Variants in HSF2 observed in about 807,000 individuals in gnomAD.
The protein encoded by HSF2 is heat shock transcription factor 2.
Under a neutral mutation model 65.0 loss-of-function variants are expected in HSF2, and 21 were observed. That is an observed-to-expected ratio of 0.32 (90% CI 0.23 to 0.47). HSF2 has a LOEUF of 0.47. Ranked by LOEUF, HSF2 falls within the 20% of genes least tolerant of loss-of-function variation. The pLI is 1.00. For missense variants in HSF2, 499 were observed against 628.1 expected, an observed-to-expected ratio of 0.79 and a Z score of 2.20; for synonymous variants, 225 against 219.1, an observed-to-expected ratio of 1.03 and a Z score of -0.24.
At position 122,432,279 on chromosome 6, in the gene HSF2, T is replaced by C; in HGVS notation, c.*59T>C. On this transcript the variant is annotated 3_prime_UTR_variant, in exon 13 of 13. Transcript: ENST00000368455. ...CATCAAAATGATGAACTATTTATTT[T>C]AAAGTATCATTTGGTACTTTTTTTG... 1 of 1,363,298 alleles carries C rather than the reference T, an allele frequency of 7.3e-7. No homozygotes were observed. Among genetic ancestry groups the C allele is most frequent in the East Asian group, 2.3e-5 (1 of 43,270 alleles). The allele number at this position is 1,363,298 out of a possible 1,614,324, so 84.5% of individuals were successfully genotyped here.
At chr6:122,420,060 TG>T in intron 6 of HSF2, 74 bp from the exon 7 acceptor site, 1 of 1,460,520 alleles carries the variant, frequency 6.8e-7, no homozygotes, top group Non-Finnish European at 9.2e-7. Flanking sequence ...TGTGTGTGTT[TG>T]GGTAAGTTAA....
At chr6:122,402,683 G>A (rs979876552) in intron 1 of HSF2, among the ~76,000 whole-genome samples, 10 of 151,954 alleles carry the variant, frequency 6.6e-5, no homozygotes, top group African/African-American at 2.4e-4. Context: ...GTCTCGAGTA[G>A]TTGTGATTAC....
In HSF2 at chr6:122,433,101, G is replaced by A. The variant is rs969776611; in HGVS notation, c.*881G>A. On this transcript the variant is annotated 3_prime_UTR_variant, in exon 13 of 13. Coordinates refer to ENST00000368455, the MANE Select transcript of HSF2 (RefSeq NM_004506.4). Reference sequence around the variant, plus strand: ...TACCAAGATATTTGTGCCTCATCTCGAAAATATATTGTATATTGCAACAAG... The same window carrying A: ...TACCAAGATATTTGTGCCTCATCTCAAAAATATATTGTATATTGCAACAAG... The A allele has an allele frequency of 1.2e-4, 18 of 152,056 alleles. No individual in the cohort carries two copies. Among genetic ancestry groups the A allele is most frequent in the South Asian group, 4.1e-4 (2 of 4,820 alleles). The allele number at this position is 152,056 out of a possible 1,614,324, so 9.4% of individuals were successfully genotyped here.
chr6:122,413,739 G>GT (rs1327281367), intron 4 of HSF2, 90 bp downstream of exon 4: 1 of 1,078,734 alleles, frequency 9.3e-7, no homozygotes, highest in Non-Finnish European at 1.4e-6. Context: ...ATGTTTTATT[G>GT]TAAGTACTCA....
chr6:122,418,790 C>T lies in HSF2; in HGVS notation c.532-378C>T, dbSNP rs45587039. ...CCTGGCCCATCACCTTTTTCTAACT[C>T]GAAAATTTCATGATTATTCTGAAGG... On this transcript the variant is annotated intron_variant, in intron 5 of 12. Coordinates refer to ENST00000368455, the MANE Select transcript of HSF2 (RefSeq NM_004506.4). Among the ~76,000 whole-genome samples the T allele has an allele frequency of 2.2e-3, 333 of 152,036 alleles. 8 individuals carry two copies. The East Asian group carries it at 0.044, about 20-fold the overall frequency.
intron 7 of HSF2, among the ~76,000 whole-genome samples, chr6:122,421,095 G>T (rs1013480734): frequency 6.6e-6 from 1 of 151,828 alleles, no homozygotes; most frequent in Non-Finnish European, 1.5e-5. Flanking sequence ...TCTTACATTG[G>T]TTATTCTATT....
intron 1 of HSF2, among the ~76,000 whole-genome samples, chr6:122,409,340 A>C (rs1270511061): frequency 6.6e-6 from 1 of 152,028 alleles, no homozygotes; most frequent in Admixed American, 6.6e-5. Flanking sequence ...AGGGCATTGA[A>C]TTTGATATTT....
chr6:122,423,072 T>C (rs1562204727), intron 9 of HSF2, 115 bp downstream of exon 9: 1 of 1,150,530 alleles, frequency 8.7e-7, no homozygotes, highest in East Asian at 2.4e-5. Flanking sequence ...TAGTCCACCT[T>C]TCTCTGTTTT....
intron 6 of HSF2, among the ~76,000 whole-genome samples, chr6:122,419,432 G>T (rs528476991): frequency 1.3e-5 from 2 of 151,916 alleles, no homozygotes; most frequent in East Asian, 1.9e-4. Context: ...GAGAGATAAG[G>T]GTAGCCTAAA....
intron 10 of HSF2, among the ~76,000 whole-genome samples, chr6:122,426,052 A>T (rs1197933761): frequency 6.6e-6 from 1 of 152,032 alleles, no homozygotes; most frequent in East Asian, 1.9e-4. Context: ...CTCATCATTC[A>T]CTAAATCCAG....
chr6:122,422,709 C>A lies in HSF2; in HGVS notation c.831-9C>A. 1.9e-6 allele frequency: 3 copies of A among 1,611,422 alleles called. No individual in the cohort carries two copies. The highest frequency in any genetic ancestry group is 2.5e-6 in the Non-Finnish European group (3 of 1,178,174). Reference sequence around the variant, plus strand: ...ATGTAATAGGTTCCTTCTTTTATTGCTGATTTAGCTGTAGCCAGTACCCTG... The same window carrying A: ...ATGTAATAGGTTCCTTCTTTTATTGATGATTTAGCTGTAGCCAGTACCCTG... On this transcript the variant is annotated splice_polypyrimidine_tract_variant and intron_variant, in intron 8 of 12. Coordinates refer to ENST00000368455, the MANE Select transcript of HSF2 (RefSeq NM_004506.4).
Position 122,432,051 on chromosome 6 carries a change from TAGA to T in HSF2, c.1445_1447del (p.Glu482del). The T allele has an allele frequency of 6.2e-7, 1 of 1,614,068 alleles. No homozygotes were observed. The highest frequency in any genetic ancestry group is 8.5e-7 in the Non-Finnish European group (1 of 1,179,968). On this transcript the variant is annotated inframe_deletion, in exon 13 of 13. Transcript: ENST00000368455. ...GTTTTGTCCTCTGTAGATAAACCCA[TAGA>T]AGTTGATGAGCTTCTGGATAGCAGC...
At chr6:122,399,891 C>A (rs1198877940) in intron 1 of HSF2, 61 bp downstream of exon 1, 2 of 1,283,096 alleles carry the variant, frequency 1.6e-6, no homozygotes, top group African/African-American at 1.5e-5. Flanking sequence ...ACTCGCTCTC[C>A]TGCGGGGTGG....
At chr6:122,419,299 T>C in intron 6 of HSF2, 70 bp downstream of exon 6, 1 of 686,752 alleles carries the variant, frequency 1.5e-6, no homozygotes, top group Non-Finnish European at 2.5e-6. Flanking sequence ...TAACCATGAG[T>C]AGCCTACACT....
upstream of HSF2, chr6:122,399,595 G>T: frequency 1.5e-6 from 1 of 650,516 alleles, no homozygotes; most frequent in Non-Finnish European, 2.6e-6. Flanking sequence ...GCCTTGCCGC[G>T]CGCCTGGCGG....
rs761708324 is a variant in HSF2, at chr6:122,412,375, T to C, written c.96T>C (p.Asn32=). The C allele has an allele frequency of 4.4e-6, 7 of 1,592,456 alleles. No individual in the cohort carries two copies. In the East Asian group the frequency reaches 8.9e-5, roughly 20 times the overall value. ...HTNEFITWSQ[N]GQSFLVLDEQ... ...TCTTTTTTTTTTTCCCCTTGCAGAA[T>C]GGCCAAAGTTTTCTGGTCTTGGATG... Residue 32 remains asparagine (N), a splice_region_variant and synonymous_variant, in exon 2 of 13, where the codon AAT becomes AAC. Coordinates refer to ENST00000368455, the MANE Select transcript of HSF2 (RefSeq NM_004506.4).
chr6:122,431,464 A>C lies in HSF2; in HGVS notation c.1265A>C (p.Asn422Thr). The change falls in exon 12 of 13, where the codon AAT (asparagine) becomes ACT (threonine). Residue 422 changes from asparagine (N) to threonine (T), a missense_variant. This residue lies in a region of HSF2 where 349 missense variants were observed against 393.5 expected (regional missense o/e 0.89). Transcript: ENST00000368455. ...ENKGLETTKNNVVQPVSEEGR... is the reference protein window; with the variant it reads ...ENKGLETTKNTVVQPVSEEGR... ...AAAGGATTAGAAACTACCAAGAACA[A>C]TGTAGTTCAGCCAGTTTCGGAAGAG... is the stretch of plus-strand genomic sequence containing the variant. 1 of 1,589,838 alleles carries C rather than the reference A, an allele frequency of 6.3e-7. No homozygotes were observed. The highest frequency in any genetic ancestry group is 8.6e-7 in the Non-Finnish European group (1 of 1,163,870).
At position 122,420,146 on chromosome 6, in the gene HSF2, TA is replaced by T; in HGVS notation, c.608del (p.Asn203ThrfsTer14). On this transcript the variant is annotated frameshift_variant, in exon 7 of 13. Transcript: ENST00000368455. LOFTEE classifies it high-confidence loss of function. ...VSLKRKRPLLLNTNGAQKKNL... is the reference protein window; with the variant it reads ...VSLKRKRPLLXNTNGAQKKNL... ...CTTCTGGTTTTCAGGCCTCTACTTC[TA>T]AACACTAATGGAGCCCAAAAGAAGA... is the stretch of plus-strand genomic sequence containing the variant. 1 of 1,608,630 alleles carries T rather than the reference TA, an allele frequency of 6.2e-7. No homozygotes were observed. Among genetic ancestry groups the T allele is most frequent in the Non-Finnish European group, 8.5e-7 (1 of 1,177,690 alleles).
At chr6:122,407,313 G>T (rs1331158099) in intron 1 of HSF2, among the ~76,000 whole-genome samples, 1 of 152,154 alleles carries the variant, frequency 6.6e-6, no homozygotes, top group Non-Finnish European at 1.5e-5. Flanking sequence ...TATAGGATAT[G>T]AAATGTCTAA....
Sources: allele counts gnomAD v4.1 joint callset (sites outside exome capture counted in the v4.1 genomes callset), GRCh38; gene constraint gnomAD v4.1.1; regional missense constraint gnomAD v4.1.1; transcripts MANE v1.5; gene names NCBI Gene and HGNC (gene_info 2026-07-23, HGNC 2026-07-21).